Variants in ADGRB3 observed in about 807,000 individuals in gnomAD.
ADGRB3 encodes adhesion G protein-coupled receptor B3.
A neutral mutation model predicts 193.4 loss-of-function variants in ADGRB3; 37 were observed. The observed-to-expected ratio is 0.19, with a 90% CI of 0.15 to 0.25. The LOEUF is 0.25. Ranked by LOEUF, ADGRB3 falls within the 10% of genes least tolerant of loss-of-function variation. ADGRB3 has a pLI of 1.00. For missense variants in ADGRB3, 1,637 were observed against 1,852.9 expected (o/e 0.88, Z 2.14); for synonymous variants, 690 against 644.2 (o/e 1.07, Z -1.08).
intron 3 of ADGRB3, among the ~76,000 whole-genome samples, chr6:68,661,920 C>T (rs1561986662): frequency 1.3e-5 from 2 of 151,250 alleles, no homozygotes; most frequent in African/African-American, 4.8e-5. Context: ...AATTGAAAAA[C>T]AATGATGAAA....
rs74295517 is a variant in ADGRB3 at position 68,954,951 on chromosome 6, G to A, written c.1196-1073G>A. Among the ~76,000 whole-genome samples, 11 of 152,252 alleles carry A rather than the reference G, an allele frequency of 7.2e-5. No individual in the cohort carries two copies. The East Asian group carries it at 1.9e-3, about 27-fold the overall frequency. On this transcript the variant is annotated intron_variant, in intron 6 of 31. Coordinates refer to ENST00000370598, the MANE Select transcript of ADGRB3 (RefSeq NM_001704.3). ...CTGCCTCAGCCTCCCAAAGTGCTGC[G>A]ATTACAGGCGTGTTCAATGGCTTCT...
chr6:69,106,181 A>AAAAAAAAAAAG (rs1281728562), intron 17 of ADGRB3, among the ~76,000 whole-genome samples: 2 of 149,366 alleles, frequency 1.3e-5, no homozygotes, highest in Non-Finnish European at 3.0e-5. Context: ...AAAAAAAAAA[A>AAAAAAAAAAAG]AAGAAAAGAA....
chr6:69,165,427 C>T (rs7749628), intron 17 of ADGRB3, among the ~76,000 whole-genome samples: 21,398 of 151,564 alleles, frequency 0.14, 1,568 homozygotes, highest in Middle Eastern at 0.16. Flanking sequence ...ACTTTACACC[C>T]CGGCAAAACA....
chr6:68,722,393 G>T (rs1386501038), intron 3 of ADGRB3, among the ~76,000 whole-genome samples: 1 of 151,536 alleles, frequency 6.6e-6, no homozygotes, highest in African/African-American at 2.4e-5. Context: ...TGGGTTGATG[G>T]GTGCAGCAAA....
intron 3 of ADGRB3, among the ~76,000 whole-genome samples, chr6:68,809,498 G>T (rs963227640): frequency 7.2e-5 from 11 of 152,184 alleles, no homozygotes; most frequent in Admixed American, 7.2e-4. Flanking sequence ...TGTTAATAGT[G>T]GTTTTCCTAA....
intron 22 of ADGRB3, among the ~76,000 whole-genome samples, chr6:69,330,019 A>G (rs1047372294): frequency 1.3e-5 from 2 of 152,284 alleles, no homozygotes; most frequent in African/African-American, 4.8e-5. Context: ...TAGCTTATCC[A>G]TTCCCTGCAA....
At chr6:69,375,488 A>C (rs757077339) in intron 30 of ADGRB3, among the ~76,000 whole-genome samples, 5 of 152,086 alleles carry the variant, frequency 3.3e-5, no homozygotes, top group Non-Finnish European at 5.9e-5. Context: ...AAGACTCTTC[A>C]GTTCTGAGCC....
At chr6:68,886,071 G>A (rs757897587) in intron 3 of ADGRB3, among the ~76,000 whole-genome samples, 3 of 152,032 alleles carry the variant, frequency 2.0e-5, no homozygotes, top group Non-Finnish European at 4.4e-5. Flanking sequence ...CCCTATAAAC[G>A]TTAGGAATGG....
At position 68,914,338 on chromosome 6, in the gene ADGRB3, G is replaced by A. The variant is rs1009435679; in HGVS notation, c.758-16221G>A. Among the ~76,000 whole-genome samples the A allele has an allele frequency of 2.3e-3, 352 of 152,168 alleles. 3 individuals carry two copies. Among genetic ancestry groups the A allele is most frequent in the African/African-American group, 7.7e-3 (320 of 41,522 alleles). On this transcript the variant is annotated intron_variant, in intron 3 of 31. Transcript: ENST00000370598. Reference sequence around the variant, plus strand: ...AAGGGAAGCCCATCAGACTAACAGCGGATCTCTCGGCAGAAACTCTACAAG... The same window carrying A: ...AAGGGAAGCCCATCAGACTAACAGCAGATCTCTCGGCAGAAACTCTACAAG...
At chr6:68,680,123 A>AGTT (rs1764861033) in intron 3 of ADGRB3, among the ~76,000 whole-genome samples, 1 of 152,158 alleles carries the variant, frequency 6.6e-6, no homozygotes, top group Non-Finnish European at 1.5e-5. Context: ...TCTACCTCGA[A>AGTT]GTTAGATTTC....
At chr6:68,914,949 C>G (rs935620575) in intron 3 of ADGRB3, among the ~76,000 whole-genome samples, 1 of 152,128 alleles carries the variant, frequency 6.6e-6, no homozygotes, top group Admixed American at 6.6e-5. Flanking sequence ...AAGGAACTGA[C>G]AGCTAAGATT....
chr6:69,222,292 C>T (rs1290017982), intron 17 of ADGRB3, among the ~76,000 whole-genome samples: 2 of 152,082 alleles, frequency 1.3e-5, no homozygotes, highest in African/African-American at 4.8e-5. Flanking sequence ...ATTTTTGTCC[C>T]TACTAATAAT....
At chr6:68,971,355 A>G (rs930451348) in intron 8 of ADGRB3, among the ~76,000 whole-genome samples, 23 of 152,196 alleles carry the variant, frequency 1.5e-4, no homozygotes, top group African/African-American at 5.3e-4. Flanking sequence ...GTGTCTACTA[A>G]AATCCTGTCT....
chr6:68,974,676 C>A, intron 8 of ADGRB3, 87 bp from the exon 9 acceptor site: 3 of 958,890 alleles, frequency 3.1e-6, no homozygotes, highest in South Asian at 1.4e-5. Flanking sequence ...AAGAGCTCTG[C>A]AGTTAGAGAG....
At chr6:68,994,422 C>T (rs1166144892) in intron 11 of ADGRB3, among the ~76,000 whole-genome samples, 1 of 152,176 alleles carries the variant, frequency 6.6e-6, no homozygotes, top group Non-Finnish European at 1.5e-5. Context: ...TTTTATCAAA[C>T]TATTCCCTGA....
chr6:69,146,380 C>G (rs567620230), intron 17 of ADGRB3, among the ~76,000 whole-genome samples: 1 of 152,342 alleles, frequency 6.6e-6, no homozygotes, highest in African/African-American at 2.4e-5. Context: ...CACTTCTGAG[C>G]CTGAGAAGGC....
Position 68,638,878 on chromosome 6 carries a change from G to T in ADGRB3, c.203G>T (p.Ser68Ile). Residue 68 changes from serine to isoleucine, a missense_variant, in exon 3 of 32, where the codon AGC becomes ATC. Physicochemically the swap from Ser to Ile is moderately radical, Grantham distance 142. Around this residue, in one of 7 missense-constraint regions of ADGRB3, gnomAD observed 365 missense variants for 409.8 expected, o/e 0.89. Coordinates refer to ENST00000370598, the MANE Select transcript of ADGRB3 (RefSeq NM_001704.3). ...GAAAATCCAGATCCAACCAAATATA[G>T]CATTTACCTGAAATTTTCCAAAAAG... ...TLENPDPTKY[S>I]IYLKFSKKDL... 1 of 1,614,048 alleles carries T rather than the reference G, an allele frequency of 6.2e-7. No homozygotes were observed. Among genetic ancestry groups the T allele is most frequent in the Non-Finnish European group, 8.5e-7 (1 of 1,180,012 alleles).
intron 8 of ADGRB3, among the ~76,000 whole-genome samples, chr6:68,968,552 C>T (rs962104230): frequency 6.6e-6 from 1 of 151,834 alleles, no homozygotes; most frequent in Non-Finnish European, 1.5e-5. Flanking sequence ...AAAGATAGTA[C>T]AAGTGAAGCA....
intron 3 of ADGRB3, among the ~76,000 whole-genome samples, chr6:68,758,534 G>A (rs530646240): frequency 3.9e-5 from 6 of 152,024 alleles, no homozygotes; most frequent in African/African-American, 1.4e-4. Context: ...CATTTGTGTC[G>A]TCTATGATTT....
Sources: gnomAD v4.1 joint callset for allele counts (sites outside exome capture counted in the v4.1 genomes callset) on GRCh38, gnomAD v4.1.1 for gene constraint, gnomAD v4.1.1 regional missense constraint, MANE v1.5 for transcripts, NCBI Gene and HGNC (gene_info 2026-07-23, HGNC 2026-07-21) for gene names.